The following ALAS2 variants were observed in gnomAD, a reference collection of about 807,000 sequenced individuals.
ALAS2 encodes 5-aminolevulinate synthase, erythroid-specific, mitochondrial.
Under a neutral mutation model 33.7 loss-of-function variants are expected in ALAS2, and 3 were observed. The ratio of observed to expected loss-of-function variants is 0.09; its 90% CI spans 0.04 to 0.23. The LOEUF is 0.23. ALAS2 is among the 10% of genes least tolerant of loss of function. The pLI is 1.00. For synonymous variants in ALAS2, 191 were observed against 177.3 expected, an observed-to-expected ratio of 1.08 and a Z score of -0.61; for missense variants, 304 against 475.1, an observed-to-expected ratio of 0.64 and a Z score of 3.35.
rs372419410 is a variant in ALAS2, at chrX:55,015,794, C to T, written c.1004-52G>A. 7.0e-5 allele frequency: 83 copies of T among 1,180,440 alleles called. No homozygotes were observed. In the East Asian group the frequency reaches 1.4e-3, roughly 20 times the overall value. ...GGACATCATAACCCTTCCCCAGCTCCATCTCCAATGTGGAATTTCCCATAC... is the reference window on the plus strand; with the variant it reads ...GGACATCATAACCCTTCCCCAGCTCTATCTCCAATGTGGAATTTCCCATAC... On this transcript the variant is annotated intron_variant, in intron 7 of 10. Coordinates refer to ENST00000650242, the MANE Select transcript of ALAS2 (RefSeq NM_000032.5).
At chrX:55,022,152 G>A (rs1438181400) in intron 4 of ALAS2, among the ~76,000 whole-genome samples, 1 of 112,254 alleles carries the variant, frequency 8.9e-6, no homozygotes, top group Non-Finnish European at 1.9e-5. Context: ...CAAAGAGCTT[G>A]TTAAACTCTA....
intron 9 of ALAS2, 121 bp downstream of exon 9, chrX:55,014,626 A>G: frequency 4.4e-6 from 4 of 908,355 alleles, no homozygotes; most frequent in Non-Finnish European, 5.8e-6. Flanking sequence ...AGCTGGCAAT[A>G]AAGGGAATGG....
In ALAS2 at chrX:55,021,242, T is replaced by C; in HGVS notation, c.448A>G (p.Arg150Gly). The change falls in exon 5 of 11, where the codon AGG becomes GGG. Residue 150 changes from arginine to glycine, a missense_variant. By Grantham distance (125) the Arg-to-Gly change is moderately radical. Coordinates refer to ENST00000650242, the MANE Select transcript of ALAS2 (RefSeq NM_000032.5). The stretch of plus-strand genomic sequence containing the variant: ...TGTTTCTTCTCCATGATCTTGTCCC[T>C]GAAAAACTGGTCATAACTGAAGACA... ...NYVFSYDQFF[R>G]DKIMEKKQDH... The C allele has an allele frequency of 8.3e-7, 1 of 1,211,664 alleles. No homozygotes were observed.
At chrX:55,020,050 A>G (rs1436395838) in intron 6 of ALAS2, among the ~76,000 whole-genome samples, 1 of 111,541 alleles carries the variant, frequency 9.0e-6, no homozygotes, top group Non-Finnish European at 1.9e-5. Flanking sequence ...GTGTGTTAAG[A>G]GCTCAGTTGA....
intron 6 of ALAS2, among the ~76,000 whole-genome samples, chrX:55,017,874 C>G (rs1033130310): frequency 8.9e-6 from 1 of 112,148 alleles, no homozygotes; most frequent in Admixed American, 9.4e-5. Context: ...ATCCTTCCCT[C>G]CAGTCATTTG....
At chrX:55,013,774 C>A (rs1483622523) in intron 9 of ALAS2, 126 bp from the exon 10 acceptor site, 5 of 791,463 alleles carry the variant, frequency 6.3e-6, no homozygotes, top group Non-Finnish European at 9.3e-6. Flanking sequence ...TTTTTTTTTC[C>A]ATTAGGGGCT....
At position 55,020,753 on chromosome X, in the gene ALAS2, AG is replaced by A. The variant is rs200685588; in HGVS notation, c.639-250del. On this transcript the variant is annotated intron_variant, in intron 5 of 10. Transcript: ENST00000650242. ...AGCTTGAGTAGTTTGGAAGACCTAGAGGAAGTCACACTCCATCTCTGGCAAT... is the reference window on the plus strand; with the variant it reads ...AGCTTGAGTAGTTTGGAAGACCTAGAGAAGTCACACTCCATCTCTGGCAAT... 6.2e-3 allele frequency among the ~76,000 whole-genome samples: 695 copies of A among 111,400 alleles called. 4 individuals carry two copies. Among genetic ancestry groups the A allele is most frequent in the African/African-American group, 0.021 (657 of 30,647 alleles).
At chrX:55,013,741 C>G in intron 9 of ALAS2, 93 bp from the exon 10 acceptor site, 3 of 1,053,852 alleles carry the variant, frequency 2.8e-6, no homozygotes, top group Non-Finnish European at 4.0e-6. Flanking sequence ...GATGAGGGAA[C>G]ATCACTGAAT....
chrX:55,019,371 G>A (rs1396795729), intron 6 of ALAS2, among the ~76,000 whole-genome samples: 1 of 111,406 alleles, frequency 9.0e-6, no homozygotes, highest in Non-Finnish European at 1.9e-5. Flanking sequence ...ATTTGAAGAT[G>A]CTTATGAGTT....
At chrX:55,020,182 G>T in intron 6 of ALAS2, 138 bp downstream of exon 6, 1 of 605,425 alleles carries the variant, frequency 1.7e-6, no homozygotes, top group Non-Finnish European at 2.7e-6. Flanking sequence ...CAGTGTTGAG[G>T]ATATGCAAGG....
At chrX:55,026,582 G>T (rs888650119) in intron 1 of ALAS2, among the ~76,000 whole-genome samples, 4 of 111,720 alleles carry the variant, frequency 3.6e-5, no homozygotes, top group African/African-American at 6.5e-5. Context: ...GTAGGCCCTA[G>T]GTCCTACAGA....
rs989208419 is a variant in ALAS2 at position 55,017,601 on chromosome X, T to C, written c.888A>G (p.Gly296=). The change falls in exon 7 of 11, where the codon GGA becomes GGG. Residue 296 remains glycine (G), a synonymous_variant. Coordinates refer to ENST00000650242, the MANE Select transcript of ALAS2 (RefSeq NM_000032.5). ...ASMIQGIRNS[G]AAKFVFRHND... ...TGTGCCTGAAGACAAACTTGGCTGCTCCACTGTTACGGATACCTTGGATCA... is the reference window on the plus strand; with the variant it reads ...TGTGCCTGAAGACAAACTTGGCTGCCCCACTGTTACGGATACCTTGGATCA... 1.7e-5 allele frequency: 20 copies of C among 1,209,789 alleles called. No homozygotes were observed. The highest frequency in any genetic ancestry group is 2.1e-5 in the Non-Finnish European group (19 of 895,207).
intron 9 of ALAS2, 75 bp downstream of exon 9, chrX:55,014,672 A>T: frequency 1.9e-6 from 2 of 1,041,590 alleles, no homozygotes; most frequent in South Asian, 5.7e-5. Context: ...ACAGCAACAG[A>T]TGTAGGTTTG....
intron 10 of ALAS2, among the ~76,000 whole-genome samples, chrX:55,010,877 C>T (rs1039770743): frequency 8.9e-6 from 1 of 111,981 alleles, no homozygotes; most frequent in African/African-American, 3.3e-5. Flanking sequence ...TTTGCTACTG[C>T]ATCCCCAGTG....
chrX:55,012,177 A>G (rs1410909725), intron 10 of ALAS2, among the ~76,000 whole-genome samples: 2 of 112,289 alleles, frequency 1.8e-5, no homozygotes, highest in South Asian at 7.4e-4. Context: ...TTATGTTGTC[A>G]ATACATACCC....
intron 6 of ALAS2, among the ~76,000 whole-genome samples, chrX:55,017,952 T>G (rs953866321): frequency 9.0e-6 from 1 of 110,854 alleles, no homozygotes; most frequent in Non-Finnish European, 1.9e-5. Context: ...AGCTTCAGAG[T>G]TTTTTGAGGA....
intron 10 of ALAS2, among the ~76,000 whole-genome samples, chrX:55,012,331 C>T (rs1277539009): frequency 8.9e-6 from 1 of 112,142 alleles, no homozygotes; most frequent in African/African-American, 3.2e-5. Context: ...CCCACCCTCT[C>T]TCTCCATAAT....
At chrX:55,015,452 G>T in intron 8 of ALAS2, 126 bp downstream of exon 8, 1 of 780,088 alleles carries the variant, frequency 1.3e-6, no homozygotes, top group South Asian at 2.3e-5. Flanking sequence ...AGTCCAGGAT[G>T]GCAGCAGCCT....
At chrX:55,026,136 C>A in intron 1 of ALAS2, 121 bp from the exon 2 acceptor site, 1 of 592,198 alleles carries the variant, frequency 1.7e-6, no homozygotes, top group South Asian at 2.7e-5. Context: ...TCTTATTGCC[C>A]TTCCAGGGAA....
Sources: gnomAD v4.1 joint callset for allele counts (sites outside exome capture counted in the v4.1 genomes callset) on GRCh38, gnomAD v4.1.1 for gene constraint, MANE v1.5 for transcripts, NCBI Gene and HGNC (gene_info 2026-07-23, HGNC 2026-07-21) for gene names.